Variants in SUPT3H observed in about 807,000 individuals in gnomAD.
The protein encoded by SUPT3H is transcription initiation protein SPT3 homolog.
A neutral mutation model predicts 44.3 loss-of-function variants in SUPT3H; 44 were observed. The observed-to-expected ratio is 0.99, with a 90% confidence interval of 0.78 to 1.28. The LOEUF (loss-of-function observed/expected upper bound fraction) is 1.28, where lower values mean the gene tolerates loss of function less well. Ranked by LOEUF, SUPT3H falls within the 50% of genes most tolerant of loss-of-function variation. SUPT3H has a pLI of 0.00. For missense variants in SUPT3H, 380 were observed against 387.1 expected (o/e 0.98, Z 0.15); for synonymous variants, 124 against 125.6 (o/e 0.99, Z 0.09).
intron 11 of SUPT3H, among the ~76,000 whole-genome samples, chr6:44,810,562 C>T (rs1766439789): frequency 6.7e-6 from 1 of 148,972 alleles, no homozygotes; most frequent in Non-Finnish European, 1.5e-5. Flanking sequence ...AATATCACCC[C>T]AAAATGGATG....
rs1768211493 is a variant in SUPT3H, at chr6:44,829,365, T to C, written c.*451A>G. On this transcript the variant is annotated 3_prime_UTR_variant, in exon 11 of 11. Transcript: ENST00000371459. ...TGTCACTAAAACACATGTCAACAAA[T>C]GTTGGAAAGTAAAGTTGGTGGTGTA... is the stretch of plus-strand genomic sequence containing the variant. The C allele has an allele frequency of 1.3e-5, 2 of 154,290 alleles. No homozygotes were observed. The highest frequency in any genetic ancestry group is 2.9e-5 in the Non-Finnish European group (2 of 69,646). 9.6% of individuals were successfully genotyped at this position (154,290 alleles called of 1,614,324 possible).
chr6:45,308,686 A>G (rs1479764294), intron 2 of SUPT3H, among the ~76,000 whole-genome samples: 2 of 152,124 alleles, frequency 1.3e-5, no homozygotes, highest in Admixed American at 6.5e-5. Flanking sequence ...GCACATGTAA[A>G]CATATGTAAG....
intron 10 of SUPT3H, among the ~76,000 whole-genome samples, chr6:44,833,309 A>G (rs1225937421): frequency 6.6e-6 from 1 of 152,196 alleles, no homozygotes; most frequent in Non-Finnish European, 1.5e-5. Flanking sequence ...TTTGCTTAAT[A>G]TGATTTCAGC....
chr6:45,029,260 AT>A (rs1250301559), intron 3 of SUPT3H, among the ~76,000 whole-genome samples: 2 of 151,652 alleles, frequency 1.3e-5, no homozygotes, highest in Admixed American at 6.6e-5. Flanking sequence ...TAAAAAATAT[AT>A]AAGGCTATAA....
chr6:45,200,784 T>C (rs999246999), intron 2 of SUPT3H, among the ~76,000 whole-genome samples: 3 of 151,440 alleles, frequency 2.0e-5, no homozygotes, highest in Non-Finnish European at 4.4e-5. Flanking sequence ...AGAAGAAAAC[T>C]GTGGTATTCA....
intron 2 of SUPT3H, among the ~76,000 whole-genome samples, chr6:45,207,833 C>T (rs979342291): frequency 3.3e-5 from 5 of 152,204 alleles, no homozygotes; most frequent in Non-Finnish European, 5.9e-5. Context: ...CTCACACCCT[C>T]TCCTGGAGCC....
At chr6:45,159,540 GGCCA>G (rs932945644) in intron 2 of SUPT3H, 31 of 152,188 alleles carry the variant, frequency 2.0e-4, no homozygotes, top group African/African-American at 7.5e-4. Context: ...CAGTCATGGA[GGCCA>G]GCAAGAACCA....
At chr6:45,357,442 T>C (rs1793443697) in intron 2 of SUPT3H, among the ~76,000 whole-genome samples, 2 of 142,200 alleles carry the variant, frequency 1.4e-5, no homozygotes, top group African/African-American at 4.9e-5. Context: ...GTGATCCTCC[T>C]GCCTCAGCCT....
intron 2 of SUPT3H, chr6:45,323,040 T>A: frequency 1.1e-6 from 1 of 903,754 alleles, no homozygotes; most frequent in Non-Finnish European, 1.7e-6. Flanking sequence ...TACGATGATA[T>A]TCATGTTTAA....
intron 10 of SUPT3H, among the ~76,000 whole-genome samples, chr6:44,918,403 C>T (rs192486114): frequency 9.8e-5 from 15 of 152,304 alleles, no homozygotes; most frequent in Non-Finnish European, 1.9e-4. Flanking sequence ...TGCCAAAGAA[C>T]ACTTCTTCAT....
intron 2 of SUPT3H, among the ~76,000 whole-genome samples, chr6:45,268,409 C>A (rs1012907187): frequency 1.5e-4 from 23 of 152,096 alleles, no homozygotes; most frequent in African/African-American, 5.3e-4. Flanking sequence ...AAAACAACAA[C>A]AAAAAACATG....
rs148423501 is a variant in SUPT3H, at chr6:45,129,736, C to T, written c.102-23730G>A. Among the ~76,000 whole-genome samples the T allele has an allele frequency of 6.6e-3, 1,002 of 151,564 alleles. 20 individuals are homozygous for T. The highest frequency in any genetic ancestry group is 0.022 in the African/African-American group (904 of 41,310). On this transcript the variant is annotated intron_variant, in intron 2 of 10. Transcript: ENST00000371459. ...GAAATCAATATCGTATGCCAGAAAG[C>T]GAAGACGTATACTACTTATGGATTT...
At chr6:45,151,001 G>A (rs549867562) in intron 2 of SUPT3H, among the ~76,000 whole-genome samples, 3 of 152,050 alleles carry the variant, frequency 2.0e-5, no homozygotes, top group African/African-American at 4.8e-5. Context: ...GATTACAGGC[G>A]TGAGCCACCG....
At chr6:44,956,575 G>C (rs561108023) in intron 7 of SUPT3H, among the ~76,000 whole-genome samples, 31 of 151,228 alleles carry the variant, frequency 2.0e-4, no homozygotes, top group Admixed American at 1.7e-3. Context: ...CTGACATCTG[G>C]TCTAATCTAA....
chr6:45,275,109 C>T (rs927466238), intron 2 of SUPT3H, among the ~76,000 whole-genome samples: 7 of 152,024 alleles, frequency 4.6e-5, no homozygotes, highest in Non-Finnish European at 8.8e-5. Context: ...TATTCATAAG[C>T]GATAGTAGTG....
intron 6 of SUPT3H, among the ~76,000 whole-genome samples, chr6:44,981,870 A>AC (rs1779136438): frequency 2.7e-5 from 1 of 37,304 alleles, no homozygotes; most frequent in Non-Finnish European, 4.9e-5. Context: ...ACATGACATG[A>AC]AAAAAAAAAA....
At chr6:45,058,560 C>T (rs145941679) in intron 3 of SUPT3H, among the ~76,000 whole-genome samples, 2,677 of 152,076 alleles carry the variant, frequency 0.018, 53 homozygotes, top group South Asian at 0.085. Flanking sequence ...TACACCCTGG[C>T]GAGGCCCTTA....
intron 2 of SUPT3H, among the ~76,000 whole-genome samples, chr6:45,211,049 T>C (rs757449165): frequency 2.0e-5 from 3 of 152,182 alleles, no homozygotes; most frequent in African/African-American, 4.8e-5. Context: ...CAAAGGAGCA[T>C]GGGAAAAGGT....
intron 2 of SUPT3H, among the ~76,000 whole-genome samples, chr6:45,129,021 T>C (rs1802989380): frequency 6.6e-6 from 1 of 152,192 alleles, no homozygotes; most frequent in Non-Finnish European, 1.5e-5. Context: ...TAACTATGTA[T>C]TCATGACAAA....
Sources: gnomAD v4.1 joint callset for allele counts (sites outside exome capture counted in the v4.1 genomes callset) on GRCh38, gnomAD v4.1.1 for gene constraint, MANE v1.5 for transcripts, NCBI Gene and HGNC (gene_info 2026-07-23, HGNC 2026-07-21) for gene names.